The following ZNF705A variants were observed in gnomAD, a reference collection of about 807,000 sequenced individuals.
ZNF705A encodes the protein zinc finger protein 705A.
In ZNF705A, 8 loss-of-function variants were observed where a neutral mutation model predicts 16.6. The observed-to-expected ratio is 0.48, with a 90% CI of 0.28 to 0.87. The LOEUF (loss-of-function observed/expected upper bound fraction) is 0.87. Ranked by LOEUF, ZNF705A falls within the 40% of genes least tolerant of loss-of-function variation. The probability of loss-of-function intolerance (pLI) is 0.10; values close to 1 mark genes in which losing one functional copy is unlikely to be tolerated. For synonymous variants in ZNF705A, 73 were observed against 117.3 expected, an observed-to-expected ratio of 0.62 and a Z score of 2.44; for missense variants, 233 against 359.9, an observed-to-expected ratio of 0.65 and a Z score of 2.85.
At chr12:8,170,557 T>C (rs753461075), upstream of ZNF705A, among the ~76,000 whole-genome samples, 1 of 152,284 alleles carries the variant, frequency 6.6e-6, no homozygotes, top group African/African-American at 2.4e-5. Context: ...TTTTCATTCA[T>C]GTTTGGGTTA....
At chr12:8,176,779 G>A (rs1250592852) in intron 4 of ZNF705A, among the ~76,000 whole-genome samples, 2 of 152,110 alleles carry the variant, frequency 1.3e-5, no homozygotes, top group African/African-American at 4.8e-5. Context: ...GAACCAGAAG[G>A]GGGAGGCAGG....
At chr12:8,166,475 G>A (rs1220446508) in intron 1 of ZNF705A, among the ~76,000 whole-genome samples, 7 of 152,308 alleles carry the variant, frequency 4.6e-5, no homozygotes, top group African/African-American at 1.7e-4. Context: ...CACAAGTTCT[G>A]ATGGTTTGAT....
At chr12:8,167,536 A>G (rs1350324917) in intron 1 of ZNF705A, among the ~76,000 whole-genome samples, 3 of 152,290 alleles carry the variant, frequency 2.0e-5, no homozygotes, top group East Asian at 3.9e-4. Context: ...GCATCTGAAG[A>G]GTTTAAGACC....
rs1205116798 is a variant in ZNF705A, at chr12:8,173,099, C to T, written c.12+462C>T. Among the ~76,000 whole-genome samples the T allele has an allele frequency of 5.3e-5, 8 of 152,322 alleles. No homozygotes were observed. The East Asian group carries it at 5.8e-4, about 11-fold the overall frequency. The stretch of plus-strand genomic sequence containing the variant: ...ATGAGCGAAGAGCAGAACATCACAG[C>T]CCAACAATGAGTCTGATGTTCTAGC... On this transcript the variant is annotated intron_variant, in intron 1 of 4. Coordinates refer to ENST00000359286, the Ensembl canonical transcript of ZNF705A.
chr12:8,179,331 C>G (rs1948512856), exon 5 of ZNF705A: 1 of 152,206 alleles, frequency 6.6e-6, no homozygotes, highest in Non-Finnish European at 1.5e-5. Context: ...AACAGCCGAA[C>G]CTGTCAGCCA....
intron 1 of ZNF705A, among the ~76,000 whole-genome samples, chr12:8,158,354 C>T (rs186740851): frequency 8.0e-4 from 121 of 152,180 alleles, no homozygotes; most frequent in African/African-American, 2.0e-3. Flanking sequence ...TTATATTTTT[C>T]TTTTCTAGAG....
intron 1 of ZNF705A, 152 bp downstream of exon 2, chr12:8,172,789 G>A (rs947992113): frequency 3.7e-5 from 49 of 1,321,412 alleles, no homozygotes; most frequent in Non-Finnish European, 4.5e-5. Flanking sequence ...TATTCCAAAT[G>A]CAATCAGGAG....
exon 5 of ZNF705A, chr12:8,178,745 T>A (rs923867317): frequency 1.3e-5 from 2 of 152,258 alleles, no homozygotes; most frequent in Non-Finnish European, 2.9e-5. Context: ...ATTGAAAGAA[T>A]ACAATCTGTT....
At chr12:8,178,239 C>G (rs1283425242) in exon 5 of ZNF705A, 4 of 153,760 alleles carry the variant, frequency 2.6e-5, no homozygotes, top group South Asian at 2.0e-4. Context: ...GAGAGGAAAG[C>G]CTTCATAAGC....
intron 1 of ZNF705A, among the ~76,000 whole-genome samples, chr12:8,163,015 A>T (rs1348200569): frequency 2.0e-5 from 3 of 152,198 alleles, no homozygotes; most frequent in Non-Finnish European, 4.4e-5. Flanking sequence ...GAGGGAGTTG[A>T]ATCATGTGGC....
intron 1 of ZNF705A, among the ~76,000 whole-genome samples, chr12:8,162,046 C>T (rs1948360309): frequency 6.6e-6 from 1 of 152,024 alleles, no homozygotes; most frequent in African/African-American, 2.4e-5. Context: ...TTGATTTAGC[C>T]CTAACCACTG....
At position 8,175,943 on chromosome 12, in the gene ZNF705A, G is replaced by T. The variant is rs749772397; in HGVS notation, c.318+1G>T. On this transcript the variant is annotated splice_donor_variant, in intron 4 of 4. Transcript: ENST00000359286. LOFTEE classifies it high-confidence loss of function. ...AGACGCATCCACCAGTATGACAATG[G>T]TAAGTTTTATAGCTGTGTACACCAG... 1.5e-5 allele frequency: 24 copies of T among 1,611,276 alleles called. No individual in the cohort carries two copies. The highest frequency in any genetic ancestry group is 1.7e-5 in the Non-Finnish European group (20 of 1,179,432).
In ZNF705A at chr12:8,172,620, C is replaced by T. The variant is rs531602510; in HGVS notation, c.-6C>T. ...AGGTAGACAGAGAGAAACTGAGTTC[C>T]GGACAATGCATTCACTAGTGAGTAG... On this transcript the variant is annotated 5_prime_UTR_variant, in exon 1 of 5. Coordinates refer to ENST00000359286, the Ensembl canonical transcript of ZNF705A. 178 of 1,596,438 alleles carry T rather than the reference C, an allele frequency of 1.1e-4. 1 individual carries two copies. Among genetic ancestry groups the T allele is most frequent in the South Asian group, 9.9e-5 (9 of 90,996 alleles).
At chr12:8,157,621 GT>G (rs1482919523) in intron 1 of ZNF705A, among the ~76,000 whole-genome samples, 1 of 152,112 alleles carries the variant, frequency 6.6e-6, no homozygotes, top group African/African-American at 2.4e-5. Context: ...TTCCTTCTGG[GT>G]GAATTGAAGG....
intron 1 of ZNF705A, among the ~76,000 whole-genome samples, chr12:8,160,564 A>AT (rs71042338): frequency 0.018 from 2,479 of 135,912 alleles, 32 homozygotes; most frequent in Middle Eastern, 0.029. Flanking sequence ...ATTTCTAAGT[A>AT]TTTTTTTTTT....
At position 8,176,990 on chromosome 12, in the gene ZNF705A, G is replaced by C. The variant is rs751239899; in HGVS notation, c.319-9G>C. The C allele has an allele frequency of 6.2e-7, 1 of 1,608,336 alleles. No individual in the cohort carries two copies. Among genetic ancestry groups the C allele is most frequent in the Non-Finnish European group, 8.5e-7 (1 of 1,177,100 alleles). On this transcript the variant is annotated splice_polypyrimidine_tract_variant and intron_variant, in intron 4 of 4. Coordinates refer to ENST00000359286, the Ensembl canonical transcript of ZNF705A. ...AAACCATTAAGAGCTTTTAATCTTTGTCCCAAAGGAGAACTCTCTCATTCT... is the reference window on the plus strand; with the variant it reads ...AAACCATTAAGAGCTTTTAATCTTTCTCCCAAAGGAGAACTCTCTCATTCT...
intron 1 of ZNF705A, among the ~76,000 whole-genome samples, chr12:8,166,121 C>T (rs775266141): frequency 2.0e-5 from 3 of 152,292 alleles, no homozygotes; most frequent in Admixed American, 6.5e-5. Context: ...CTACCATTCT[C>T]GGGTCTGGAA....
At chr12:8,163,167 G>T (rs1948370750) in intron 1 of ZNF705A, among the ~76,000 whole-genome samples, 1 of 152,130 alleles carries the variant, frequency 6.6e-6, no homozygotes, top group Non-Finnish European at 1.5e-5. Flanking sequence ...CAGGAAAATT[G>T]TCTTCCTTAG....
At chr12:8,174,539 C>T (rs1948470499) in intron 2 of ZNF705A, 87 bp downstream of exon 3, 1 of 1,592,112 alleles carries the variant, frequency 6.3e-7, no homozygotes, top group African/African-American at 1.3e-5. Context: ...CCATATCTCA[C>T]TCTAATCTCT....
Sources: gnomAD v4.1 joint callset for allele counts (sites outside exome capture counted in the v4.1 genomes callset) on GRCh38, gnomAD v4.1.1 for gene constraint, MANE v1.5 for transcripts, NCBI Gene and HGNC (gene_info 2026-07-23, HGNC 2026-07-21) for gene names.